INPP4B: variants seen among roughly 807,000 people sequenced by gnomAD.
INPP4B encodes the protein inositol polyphosphate-4-phosphatase type II B, also known as inositol polyphosphate 4-phosphatase type II.
In INPP4B, 55 loss-of-function variants were observed where a neutral mutation model predicts 122.5. The observed-to-expected ratio is 0.45, with a 90% CI of 0.36 to 0.56. INPP4B has a LOEUF of 0.56. Among genes scored for constraint, INPP4B ranks in the 20% least tolerant of loss-of-function variants. The pLI, the probability that INPP4B is intolerant of heterozygous loss-of-function variation, is 0.00. For missense variants in INPP4B, 1,000 were observed against 1,097.7 expected, an observed-to-expected ratio of 0.91 and a Z score of 1.26; for synonymous variants, 403 against 388.7, an observed-to-expected ratio of 1.04 and a Z score of -0.43.
At chr4:142,730,519 G>C (rs188057533) in intron 1 of INPP4B, among the ~76,000 whole-genome samples, 2 of 152,194 alleles carry the variant, frequency 1.3e-5, no homozygotes, top group Non-Finnish European at 2.9e-5. Context: ...TTCTACTTGT[G>C]GTTCAGTTCT....
rs565010145 is a variant in INPP4B, at chr4:142,124,467, C to T, written c.1893+121G>A. 125 of 887,916 alleles carry T rather than the reference C, an allele frequency of 1.4e-4. 2 individuals carry two copies. The South Asian group carries it at 2.0e-3, about 14-fold the overall frequency. The allele number at this position is 887,916 out of a possible 1,614,324, so 55.0% of individuals were successfully genotyped here. A position where few individuals can be genotyped will look rare whatever the true frequency, so the allele number is the denominator to read the frequency against. On this transcript the variant is annotated intron_variant, in intron 19 of 25. Transcript: ENST00000262992. Reference sequence around the variant, plus strand: ...TATCGTGAATAAGAAACATGGGATACCAAAACTTTAAGGATCTTTTTAAAA... The same window carrying T: ...TATCGTGAATAAGAAACATGGGATATCAAAACTTTAAGGATCTTTTTAAAA...
At chr4:142,293,344 C>T (rs530144208) in intron 9 of INPP4B, among the ~76,000 whole-genome samples, 7 of 152,046 alleles carry the variant, frequency 4.6e-5, no homozygotes, top group Non-Finnish European at 8.8e-5. Context: ...TTAAGTACAT[C>T]GATCAGGGAA....
chr4:142,383,319 T>C (rs1794854217), intron 7 of INPP4B, among the ~76,000 whole-genome samples: 1 of 152,206 alleles, frequency 6.6e-6, no homozygotes. Context: ...TTTCTTTTTT[T>C]CCCAATATAG....
intron 7 of INPP4B, among the ~76,000 whole-genome samples, chr4:142,383,613 C>T (rs763802946): frequency 1.3e-5 from 2 of 151,824 alleles, no homozygotes; most frequent in African/African-American, 4.8e-5. Flanking sequence ...CAATAGTATC[C>T]CATGATGCTT....
At chr4:142,841,757 A>T (rs1783521304) in intron 1 of INPP4B, among the ~76,000 whole-genome samples, 1 of 151,930 alleles carries the variant, frequency 6.6e-6, no homozygotes, top group South Asian at 2.1e-4. Context: ...TTTAAAAATC[A>T]TATTTTTCTT....
chr4:142,816,268 A>G lies in INPP4B; in HGVS notation c.-254+29941T>C, dbSNP rs189382074. On this transcript the variant is annotated intron_variant, in intron 1 of 25. Transcript: ENST00000262992. ...AAGAAGATATTTCTCAGAATAAATT[A>G]AGTCAGGGTAAACTCAAAGTTGCTA... Among the ~76,000 whole-genome samples the G allele has an allele frequency of 3.3e-5, 5 of 152,302 alleles. No homozygotes were observed. The South Asian group carries it at 8.3e-4, about 25-fold the overall frequency.
At chr4:142,111,973 A>G (rs1790388130) in intron 22 of INPP4B, among the ~76,000 whole-genome samples, 1 of 151,928 alleles carries the variant, frequency 6.6e-6, no homozygotes, top group Non-Finnish European at 1.5e-5. Flanking sequence ...TGAACTCCTG[A>G]CCTCAGGTGA....
chr4:142,185,436 C>G (rs1832736176), intron 15 of INPP4B, among the ~76,000 whole-genome samples: 1 of 151,196 alleles, frequency 6.6e-6, no homozygotes, highest in Admixed American at 6.6e-5. Context: ...AGCCATACTT[C>G]TACTTCACAC....
intron 2 of INPP4B, among the ~76,000 whole-genome samples, chr4:142,522,748 C>A (rs1315518896): frequency 6.6e-6 from 1 of 151,962 alleles, no homozygotes; most frequent in Non-Finnish European, 1.5e-5. Flanking sequence ...GTCAGACTGA[C>A]CTTCATTTAT....
intron 9 of INPP4B, among the ~76,000 whole-genome samples, chr4:142,300,983 A>G (rs997065094): frequency 2.0e-5 from 3 of 152,178 alleles, no homozygotes; most frequent in African/African-American, 7.2e-5. Context: ...TGTAGGTTAT[A>G]AAAGAAATAA....
At chr4:142,830,704 A>G (rs1782008605) in intron 1 of INPP4B, among the ~76,000 whole-genome samples, 1 of 152,072 alleles carries the variant, frequency 6.6e-6, no homozygotes, top group Non-Finnish European at 1.5e-5. Flanking sequence ...CTATGCAGAA[A>G]GAAGAGAATG....
intron 18 of INPP4B, among the ~76,000 whole-genome samples, chr4:142,143,452 T>C (rs1399462512): frequency 6.6e-6 from 1 of 152,080 alleles, no homozygotes; most frequent in Non-Finnish European, 1.5e-5. Flanking sequence ...TGCCTTTTTA[T>C]GAGTTAATTT....
At chr4:142,381,257 T>C (rs1380540520) in intron 7 of INPP4B, among the ~76,000 whole-genome samples, 3 of 152,132 alleles carry the variant, frequency 2.0e-5, no homozygotes, top group South Asian at 4.1e-4. Context: ...CTGCCAGCAA[T>C]GGTTTTTAAA....
At chr4:142,494,208 A>G (rs534587638) in intron 2 of INPP4B, among the ~76,000 whole-genome samples, 2 of 152,274 alleles carry the variant, frequency 1.3e-5, no homozygotes, top group South Asian at 4.1e-4. Context: ...AGTCTCTCAT[A>G]TCTTTATTAG....
chr4:142,663,234 T>C (rs1454560091), intron 2 of INPP4B, among the ~76,000 whole-genome samples: 1 of 152,196 alleles, frequency 6.6e-6, no homozygotes, highest in Non-Finnish European at 1.5e-5. Context: ...CTATTTTGTT[T>C]ATCTGTTAAA....
At chr4:142,426,283 A>G (rs17715707) in intron 5 of INPP4B, among the ~76,000 whole-genome samples, 32,379 of 151,942 alleles carry the variant, frequency 0.21, 4,437 homozygotes, top group Middle Eastern at 0.31. Flanking sequence ...ATTTTCCACA[A>G]TTGTTTCCAT....
chr4:142,809,805 T>C (rs1450810911), intron 1 of INPP4B, among the ~76,000 whole-genome samples: 1 of 151,990 alleles, frequency 6.6e-6, no homozygotes, highest in African/African-American at 2.4e-5. Context: ...CCAATGACTC[T>C]GGAAAAGGTT....
intron 11 of INPP4B, among the ~76,000 whole-genome samples, chr4:142,238,390 C>A (rs1185543355): frequency 6.6e-6 from 1 of 152,022 alleles, no homozygotes; most frequent in East Asian, 1.9e-4. Context: ...TACAAACATA[C>A]ATTAAAGCAT....
chr4:142,665,713 T>A (rs1755919581), intron 2 of INPP4B, among the ~76,000 whole-genome samples: 1 of 152,102 alleles, frequency 6.6e-6, no homozygotes, highest in South Asian at 2.1e-4. Flanking sequence ...TGTGAAATGA[T>A]AAAAAATTCA....
Sources: allele counts gnomAD v4.1 joint callset (sites outside exome capture counted in the v4.1 genomes callset), GRCh38; gene constraint gnomAD v4.1.1; transcripts MANE v1.5; gene names NCBI Gene and HGNC (gene_info 2026-07-23, HGNC 2026-07-21).